PDE4D: variants seen among roughly 807,000 people sequenced by gnomAD.
PDE4D encodes phosphodiesterase 4D, also known as 3',5'-cyclic-AMP phosphodiesterase 4D.
In PDE4D, 24 loss-of-function variants were observed where a neutral mutation model predicts 87.4. The observed-to-expected ratio is 0.27, with a 90% CI of 0.20 to 0.39. The LOEUF is 0.39. PDE4D is among the 10% of genes least tolerant of loss of function. The pLI is 1.00. For missense variants in PDE4D, 714 were observed against 1,041.0 expected (o/e 0.69, Z 4.32); for synonymous variants, 384 against 383.2 (o/e 1.00, Z -0.02).
At chr5:59,669,781 C>G (rs528050148) in intron 1 of PDE4D, among the ~76,000 whole-genome samples, 1 of 152,196 alleles carries the variant, frequency 6.6e-6, no homozygotes, top group Admixed American at 6.5e-5. Context: ...AAAGACACCC[C>G]CCCCAATAGT....
intron 1 of PDE4D, among the ~76,000 whole-genome samples, chr5:60,427,182 G>A (rs1312703776): frequency 6.6e-6 from 1 of 152,064 alleles, no homozygotes; most frequent in East Asian, 1.9e-4. Flanking sequence ...TTTTCAAAAC[G>A]ATCAAACAGA....
chr5:60,338,258 T>C (rs1318933901), intron 1 of PDE4D, among the ~76,000 whole-genome samples: 1 of 152,144 alleles, frequency 6.6e-6, no homozygotes. Context: ...TGGAAGGACA[T>C]GCAGGTTCAG....
At chr5:59,263,241 A>G (rs537589780) in intron 1 of PDE4D, among the ~76,000 whole-genome samples, 1 of 152,030 alleles carries the variant, frequency 6.6e-6, no homozygotes, top group Non-Finnish European at 1.5e-5. Flanking sequence ...TGGAGCAGGC[A>G]TGGTGCTGGG....
At chr5:59,249,036 A>G (rs1759417846) in intron 1 of PDE4D, among the ~76,000 whole-genome samples, 1 of 152,118 alleles carries the variant, frequency 6.6e-6, no homozygotes, top group Non-Finnish European at 1.5e-5. Context: ...AAAAGTAAAA[A>G]GGGGACTAAA....
chr5:59,088,657 T>G (rs10076635), intron 5 of PDE4D, among the ~76,000 whole-genome samples: 40,945 of 152,024 alleles, frequency 0.27, 5,786 homozygotes, highest in African/African-American at 0.34. Context: ...CCAGGAACAC[T>G]GATGGAGCTG....
intron 1 of PDE4D, among the ~76,000 whole-genome samples, chr5:59,435,328 C>T (rs546347656): frequency 6.6e-6 from 1 of 152,204 alleles, no homozygotes; most frequent in African/African-American, 2.4e-5. Context: ...TTCCAATACT[C>T]AGCACAGAGA....
At chr5:59,501,292 G>A (rs1489892764) in intron 1 of PDE4D, among the ~76,000 whole-genome samples, 1 of 152,084 alleles carries the variant, frequency 6.6e-6, no homozygotes, top group Non-Finnish European at 1.5e-5. Context: ...TCTGTGCTGG[G>A]ATATGGAGAT....
chr5:59,408,658 C>T (rs55732893), intron 1 of PDE4D, among the ~76,000 whole-genome samples: 155 of 152,316 alleles, frequency 1.0e-3, no homozygotes, highest in Middle Eastern at 3.4e-3. Context: ...GTCATGGAGG[C>T]TTCACCTTGC....
chr5:60,434,780 A>C (rs1202691932), intron 1 of PDE4D, among the ~76,000 whole-genome samples: 1 of 152,062 alleles, frequency 6.6e-6, no homozygotes, highest in African/African-American at 2.4e-5. Flanking sequence ...GAATGGAAAA[A>C]ATCAAGGTAC....
intron 1 of PDE4D, among the ~76,000 whole-genome samples, chr5:59,518,721 C>T (rs191516570): frequency 4.9e-4 from 75 of 152,266 alleles, no homozygotes; most frequent in Non-Finnish European, 9.0e-4. Context: ...TCTGCCATAT[C>T]CACATTTCTA....
At chr5:59,126,215 T>G (rs1439875586) in intron 5 of PDE4D, among the ~76,000 whole-genome samples, 1 of 150,590 alleles carries the variant, frequency 6.6e-6, no homozygotes, top group Non-Finnish European at 1.5e-5. Context: ...TTTATAAACC[T>G]CAGACAAAAC....
At chr5:60,389,301 A>C (rs1013903168) in intron 1 of PDE4D, among the ~76,000 whole-genome samples, 2 of 152,214 alleles carry the variant, frequency 1.3e-5, no homozygotes, top group African/African-American at 4.8e-5. Context: ...GAAGGTATTC[A>C]GACTCTTGAA....
intron 1 of PDE4D, among the ~76,000 whole-genome samples, chr5:60,370,678 T>C (rs956853604): frequency 6.6e-6 from 1 of 152,138 alleles, no homozygotes; most frequent in African/African-American, 2.4e-5. Context: ...ATGAGACAAA[T>C]GGCCTTTCTA....
At chr5:60,006,286 C>A (rs1049183966) in intron 2 of PDE4D, among the ~76,000 whole-genome samples, 9 of 149,228 alleles carry the variant, frequency 6.0e-5, no homozygotes, top group Non-Finnish European at 1.2e-4. Flanking sequence ...GGCAAAAAAA[C>A]ACAATTACTT....
intron 3 of PDE4D, among the ~76,000 whole-genome samples, chr5:59,932,694 T>C (rs1358452563): frequency 6.6e-6 from 1 of 152,136 alleles, no homozygotes; most frequent in Non-Finnish European, 1.5e-5. Context: ...GAGGAGGAAA[T>C]GATGATTTAT....
intron 1 of PDE4D, among the ~76,000 whole-genome samples, chr5:60,310,584 G>A (rs185493545): frequency 2.6e-5 from 4 of 152,198 alleles, no homozygotes; most frequent in African/African-American, 9.6e-5. Flanking sequence ...TAGCAGAAAA[G>A]TGGGGTTGTG....
At chr5:59,676,765 T>C (rs1455004058) in intron 1 of PDE4D, among the ~76,000 whole-genome samples, 2 of 152,174 alleles carry the variant, frequency 1.3e-5, no homozygotes, top group Non-Finnish European at 2.9e-5. Flanking sequence ...TTCCAACATT[T>C]TTCATTTCTT....
At chr5:59,394,041 G>A (rs757453472) in intron 1 of PDE4D, among the ~76,000 whole-genome samples, 31 of 152,242 alleles carry the variant, frequency 2.0e-4, no homozygotes, top group Non-Finnish European at 2.2e-4. Context: ...CATTTCTTTC[G>A]ATTGAAGGTG....
At chr5:60,220,494 C>A (rs1744374729) in intron 1 of PDE4D, among the ~76,000 whole-genome samples, 1 of 152,104 alleles carries the variant, frequency 6.6e-6, no homozygotes, top group African/African-American at 2.4e-5. Context: ...ACCCAACTAT[C>A]CTGATTTTAT....
Sources: allele counts gnomAD v4.1 joint callset (sites outside exome capture counted in the v4.1 genomes callset), GRCh38; gene constraint gnomAD v4.1.1; transcripts MANE v1.5; gene names NCBI Gene and HGNC (gene_info 2026-07-23, HGNC 2026-07-21).